Variants in ARHGAP42 observed in about 807,000 individuals in gnomAD.
ARHGAP42 encodes rho GTPase-activating protein 42.
A neutral mutation model predicts 125.0 loss-of-function variants in ARHGAP42; 63 were observed. That is an observed-to-expected ratio of 0.50 (90% CI 0.41 to 0.62). The LOEUF is 0.62. Ranked by LOEUF, ARHGAP42 falls within the 20% of genes least tolerant of loss-of-function variation. The probability of loss-of-function intolerance (pLI) is 0.00; values close to 1 mark genes in which losing one functional copy is unlikely to be tolerated. For synonymous variants in ARHGAP42, 339 were observed against 351.0 expected (o/e 0.97, Z 0.38); for missense variants, 766 against 1,024.2 (o/e 0.75, Z 3.44).
chr11:100,887,495 A>G, intron 4 of ARHGAP42, among the ~76,000 whole-genome samples: 1 of 152,220 alleles, frequency 6.6e-6, no homozygotes. Context: ...TTTGAAGTGA[A>G]GTTAAGTAAT....
intron 1 of ARHGAP42, among the ~76,000 whole-genome samples, chr11:100,755,503 G>A (rs1309017367): frequency 6.6e-6 from 1 of 152,210 alleles, no homozygotes; most frequent in African/African-American, 2.4e-5. Context: ...GTACTATCTT[G>A]TTCATTATCT....
chr11:100,787,339 C>T (rs1863461564), intron 2 of ARHGAP42, among the ~76,000 whole-genome samples: 1 of 152,026 alleles, frequency 6.6e-6, no homozygotes, highest in African/African-American at 2.4e-5. Context: ...CCATGTAAGA[C>T]ATGCCTACTT....
At chr11:100,925,521 T>C (rs996207769) in intron 6 of ARHGAP42, among the ~76,000 whole-genome samples, 1 of 151,382 alleles carries the variant, frequency 6.6e-6, no homozygotes, top group African/African-American at 2.5e-5. Flanking sequence ...GCAAATCACT[T>C]GAGACCAGGA....
rs1317811230 is a variant in ARHGAP42 at position 100,991,267 on chromosome 11, T to C, written c.*2466T>C. The C allele has an allele frequency of 2.6e-5, 4 of 152,168 alleles. No homozygotes were observed. Among genetic ancestry groups the C allele is most frequent in the Non-Finnish European group, 4.4e-5 (3 of 68,024 alleles). The allele number at this position is 152,168 out of a possible 1,614,324, so 9.4% of individuals were successfully genotyped here. On this transcript the variant is annotated 3_prime_UTR_variant, in exon 24 of 24. Transcript: ENST00000298815. ...TAAAGTAAGTTTCCTACAGATAAGG[T>C]ATTTATGAGCACTGAGAAAGTCAGG...
At chr11:100,716,560 T>A (rs1029774537) in intron 1 of ARHGAP42, among the ~76,000 whole-genome samples, 3 of 152,124 alleles carry the variant, frequency 2.0e-5, no homozygotes, top group Admixed American at 2.0e-4. Context: ...ATGTTTATTG[T>A]GTGAAATACA....
At chr11:100,919,912 C>T (rs1437710656) in intron 5 of ARHGAP42, among the ~76,000 whole-genome samples, 5 of 152,102 alleles carry the variant, frequency 3.3e-5, no homozygotes, top group African/African-American at 1.2e-4. Context: ...GATATTTGTA[C>T]CACAGAAACC....
chr11:100,912,867 A>T (rs987480827), intron 4 of ARHGAP42, among the ~76,000 whole-genome samples: 6 of 152,172 alleles, frequency 3.9e-5, no homozygotes, highest in Non-Finnish European at 5.9e-5. Flanking sequence ...ATTCGACTTC[A>T]AATTTTCTTA....
At chr11:100,723,085 C>G (rs899870942) in intron 1 of ARHGAP42, among the ~76,000 whole-genome samples, 2 of 152,070 alleles carry the variant, frequency 1.3e-5, no homozygotes, top group African/African-American at 4.8e-5. Flanking sequence ...TTTATTTGCT[C>G]CTTTGTCGAA....
At position 100,990,420 on chromosome 11, in the gene ARHGAP42, T is replaced by G. The variant is rs1294294592; in HGVS notation, c.*1619T>G. 3 of 152,086 alleles carry G rather than the reference T, an allele frequency of 2.0e-5. No individual in the cohort carries two copies. In the East Asian group the frequency reaches 5.8e-4, roughly 29 times the overall value. 9.4% of individuals were successfully genotyped at this position (152,086 alleles called of 1,614,324 possible). On this transcript the variant is annotated 3_prime_UTR_variant, in exon 24 of 24. Coordinates refer to ENST00000298815, the MANE Select transcript of ARHGAP42 (RefSeq NM_152432.4). ...AACTATGCCTCAGAAAAGTTAGGCT[T>G]TTACAAATAAAAAGAATAAGATTAG... is the stretch of plus-strand genomic sequence containing the variant.
chr11:100,941,661 G>T, intron 8 of ARHGAP42, 123 bp from the exon 9 acceptor site: 2 of 565,036 alleles, frequency 3.5e-6, no homozygotes, highest in Non-Finnish European at 6.1e-6. Context: ...CACAGTAAAT[G>T]TTACAAACTA....
chr11:100,823,870 T>A (rs1397131422), intron 3 of ARHGAP42, among the ~76,000 whole-genome samples: 3 of 152,174 alleles, frequency 2.0e-5, no homozygotes, highest in Non-Finnish European at 4.4e-5. Flanking sequence ...TTGCCTCTAA[T>A]AAAAATCATT....
intron 3 of ARHGAP42, among the ~76,000 whole-genome samples, chr11:100,800,306 T>G (rs1052507854): frequency 6.6e-6 from 1 of 152,168 alleles, no homozygotes; most frequent in African/African-American, 2.4e-5. Context: ...ATGGCAAGCA[T>G]AACTACTTAG....
chr11:100,923,145 T>C (rs11224515), intron 6 of ARHGAP42, among the ~76,000 whole-genome samples: 12,632 of 152,220 alleles, frequency 0.083, 762 homozygotes, highest in East Asian at 0.32. Flanking sequence ...CCACTACTTA[T>C]GGTTCCTGTT....
intron 1 of ARHGAP42, among the ~76,000 whole-genome samples, chr11:100,737,477 A>C (rs977065811): frequency 6.6e-6 from 1 of 152,178 alleles, no homozygotes; most frequent in Non-Finnish European, 1.5e-5. Context: ...TATGAGGTTC[A>C]TGTATCATAT....
intron 4 of ARHGAP42, among the ~76,000 whole-genome samples, chr11:100,894,964 A>G (rs1591274823): frequency 6.6e-6 from 1 of 152,262 alleles, no homozygotes; most frequent in East Asian, 1.9e-4. Flanking sequence ...AGTGTTCCTC[A>G]TGGGAGATGT....
chr11:100,829,840 C>T (rs1017473320), intron 3 of ARHGAP42, among the ~76,000 whole-genome samples: 1 of 152,122 alleles, frequency 6.6e-6, no homozygotes, highest in Non-Finnish European at 1.5e-5. Flanking sequence ...GTTCTTTACT[C>T]TGAAGTTTAT....
intron 1 of ARHGAP42, among the ~76,000 whole-genome samples, chr11:100,732,389 G>C (rs1219882768): frequency 1.3e-5 from 2 of 152,182 alleles, no homozygotes; most frequent in Non-Finnish European, 2.9e-5. Context: ...AATAGTTTTT[G>C]ATAGTCAGAA....
In ARHGAP42 at chr11:100,948,457, G is replaced by A. The variant is rs1054387334; in HGVS notation, c.1044G>A (p.Arg348=). The change falls in exon 11 of 24, where the codon AGG becomes AGA. Residue 348 remains arginine, a splice_region_variant and synonymous_variant. Coordinates refer to ENST00000298815, the MANE Select transcript of ARHGAP42 (RefSeq NM_152432.4). Reference sequence around the variant, plus strand: ...ATAGAAAATATTTGTTTTTAAATAGGCATGGGATCATCACGTTACAGGCCT... The same window carrying A: ...ATAGAAAATATTTGTTTTTAAATAGACATGGGATCATCACGTTACAGGCCT... ...RFCFDIEVVE[R]HGIITLQAFS... The A allele has an allele frequency of 7.1e-6, 11 of 1,543,968 alleles. No individual in the cohort carries two copies. The highest frequency in any genetic ancestry group is 8.8e-6 in the Non-Finnish European group (10 of 1,142,696).
chr11:100,774,098 T>TC (rs1485690969), intron 2 of ARHGAP42, among the ~76,000 whole-genome samples: 1 of 152,164 alleles, frequency 6.6e-6, no homozygotes, highest in Non-Finnish European at 1.5e-5. Context: ...TTACCTGAGC[T>TC]CCCACATATA....
Sources: gnomAD v4.1 joint callset for allele counts (sites outside exome capture counted in the v4.1 genomes callset) on GRCh38, gnomAD v4.1.1 for gene constraint, MANE v1.5 for transcripts, NCBI Gene and HGNC (gene_info 2026-07-23, HGNC 2026-07-21) for gene names.